MAP4K5: variants seen among roughly 807,000 people sequenced by gnomAD.
MAP4K5 encodes the protein MAPK/ERK kinase kinase kinase 5.
MAP4K5 carries 82 observed loss-of-function variants against 135.6 expected under a neutral mutation model. The ratio of observed to expected loss-of-function variants is 0.60; its 90% CI spans 0.51 to 0.73. MAP4K5 has a LOEUF of 0.73. Ranked by LOEUF, MAP4K5 falls within the 30% of genes least tolerant of loss-of-function variation. The probability of loss-of-function intolerance (pLI) is 0.00; values close to 1 mark genes in which losing one functional copy is unlikely to be tolerated. For synonymous variants in MAP4K5, 347 were observed against 335.0 expected (o/e 1.04, Z -0.39); for missense variants, 907 against 1,010.9 (o/e 0.90, Z 1.39).
chr14:50,547,402 G>A (rs2038647038), intron 1 of MAP4K5, among the ~76,000 whole-genome samples: 1 of 152,164 alleles, frequency 6.6e-6, no homozygotes, highest in Admixed American at 6.5e-5. Context: ...TGTTATGTAG[G>A]GGAAGCATTG....
At chr14:50,428,402 C>T (rs566799384) in intron 30 of MAP4K5, among the ~76,000 whole-genome samples, 1 of 151,958 alleles carries the variant, frequency 6.6e-6, no homozygotes, top group Admixed American at 6.6e-5. Context: ...ATTACAGGCA[C>T]CCGCCAGCAT....
At chr14:50,560,171 C>T (rs2038817797) in intron 1 of MAP4K5, 2 of 1,470,696 alleles carry the variant, frequency 1.4e-6, no homozygotes, top group Admixed American at 1.8e-5. Flanking sequence ...GCGCCCAGCG[C>T]GGGCACGGAG....
intron 12 of MAP4K5, among the ~76,000 whole-genome samples, chr14:50,463,406 G>A (rs1172374390): frequency 6.6e-6 from 1 of 152,182 alleles, no homozygotes; most frequent in African/African-American, 2.4e-5. Flanking sequence ...GCAAACTACA[G>A]CCCATGGGGA....
intron 10 of MAP4K5, among the ~76,000 whole-genome samples, chr14:50,467,055 G>T (rs1395940892): frequency 1.3e-5 from 2 of 152,044 alleles, no homozygotes; most frequent in Non-Finnish European, 2.9e-5. Context: ...TTTTGGGTGG[G>T]TGTATAGGCA....
chr14:50,429,465 A>G (rs2035923167), intron 28 of MAP4K5, among the ~76,000 whole-genome samples: 1 of 152,178 alleles, frequency 6.6e-6, no homozygotes, highest in African/African-American at 2.4e-5. Context: ...AACTCAGCTG[A>G]AAAAAACCTC....
At chr14:50,518,955 G>C (rs756454725) in intron 2 of MAP4K5, among the ~76,000 whole-genome samples, 1 of 151,950 alleles carries the variant, frequency 6.6e-6, no homozygotes, top group Non-Finnish European at 1.5e-5. Flanking sequence ...AAACCTTTAA[G>C]ACAATTTAGG....
chr14:50,496,756 C>G (rs1410394466), intron 3 of MAP4K5, among the ~76,000 whole-genome samples: 2 of 151,854 alleles, frequency 1.3e-5, no homozygotes, highest in Non-Finnish European at 2.9e-5. Context: ...AAGATCCTCC[C>G]ACCTCAGCCT....
rs113692079 is a variant in MAP4K5 at position 50,552,148 on chromosome 14, G to A, written c.-180+8892C>T. ...ATCCAAAAATCTAGACCTGATAAATGAGTTCAGTAAAGTTTCGGGATACAA... is the reference window on the plus strand; with the variant it reads ...ATCCAAAAATCTAGACCTGATAAATAAGTTCAGTAAAGTTTCGGGATACAA... On this transcript the variant is annotated intron_variant, in intron 1 of 8. Coordinates refer to the MAP4K5 transcript ENST00000555216. Among the ~76,000 whole-genome samples, 5 of 152,288 alleles carry A rather than the reference G, an allele frequency of 3.3e-5. 1 individual carries two copies. Among genetic ancestry groups the A allele is most frequent in the South Asian group, 2.1e-4 (1 of 4,822 alleles).
chr14:50,531,881 A>C, intron 2 of MAP4K5, 61 bp downstream of exon 2: 4 of 1,154,858 alleles, frequency 3.5e-6, no homozygotes, highest in Non-Finnish European at 5.1e-6. Context: ...TTCGCAGGAA[A>C]GTGGCCCCAT....
intron 13 of MAP4K5, among the ~76,000 whole-genome samples, chr14:50,459,102 C>A (rs2036654838): frequency 6.6e-6 from 1 of 152,242 alleles, no homozygotes; most frequent in Admixed American, 6.5e-5. Flanking sequence ...CATTAGCCAT[C>A]ATACCTAGCC....
chr14:50,427,096 T>C (rs1172919886), intron 30 of MAP4K5, among the ~76,000 whole-genome samples: 1 of 152,190 alleles, frequency 6.6e-6, no homozygotes, highest in Admixed American at 6.5e-5. Context: ...AAGGCATTTT[T>C]TTTTCCCCAG....
chr14:50,455,926 GATT>G, intron 14 of MAP4K5, among the ~76,000 whole-genome samples: 1 of 152,182 alleles, frequency 6.6e-6, no homozygotes, highest in African/African-American at 2.4e-5. Flanking sequence ...ATCTGTCAAT[GATT>G]ATTAAATTAA....
rs190790606 is a variant in MAP4K5, at chr14:50,445,326, G to C, written c.1186-132C>G. 38 of 653,148 alleles carry C rather than the reference G, an allele frequency of 5.8e-5. No individual in the cohort carries two copies. The East Asian group carries it at 1.0e-3, about 18-fold the overall frequency. 40.5% of individuals were successfully genotyped at this position (653,148 alleles called of 1,614,324 possible). The stretch of plus-strand genomic sequence containing the variant: ...ACTGGGCTAAGTGAGCAAAGTAAGA[G>C]GTGAGTTACTGCCCAACACAACTAT... On this transcript the variant is annotated intron_variant, in intron 17 of 32. Coordinates refer to ENST00000682126, the MANE Select transcript of MAP4K5 (RefSeq NM_006575.6).
At chr14:50,543,228 T>C (rs987763806) in intron 1 of MAP4K5, among the ~76,000 whole-genome samples, 2 of 152,242 alleles carry the variant, frequency 1.3e-5, no homozygotes, top group South Asian at 2.1e-4. Context: ...ATAATTCAGT[T>C]ACTGCCACTA....
At chr14:50,480,636 T>A (rs572232891) in intron 6 of MAP4K5, among the ~76,000 whole-genome samples, 3 of 152,304 alleles carry the variant, frequency 2.0e-5, no homozygotes, top group Admixed American at 6.5e-5. Flanking sequence ...ATAAGCCTCA[T>A]TTTATAAACT....
intron 3 of MAP4K5, among the ~76,000 whole-genome samples, chr14:50,487,424 A>G (rs1356595539): frequency 1.3e-5 from 2 of 152,238 alleles, no homozygotes; most frequent in Non-Finnish European, 2.9e-5. Context: ...ATTAACTGAT[A>G]GTTCAGTTAC....
intron 21 of MAP4K5, among the ~76,000 whole-genome samples, chr14:50,441,165 C>T (rs1204593619): frequency 6.6e-6 from 1 of 152,114 alleles, no homozygotes; most frequent in African/African-American, 2.4e-5. Flanking sequence ...TGGCTATCAA[C>T]AGATTGTCAA....
chr14:50,458,074 A>G (rs1020621773), intron 13 of MAP4K5, among the ~76,000 whole-genome samples: 2 of 152,144 alleles, frequency 1.3e-5, no homozygotes, highest in African/African-American at 4.8e-5. Flanking sequence ...ACACTTCTCT[A>G]GTCATCTAAC....
chr14:50,436,680 A>G lies in MAP4K5; in HGVS notation c.1882+796T>C, dbSNP rs560894810. Among the ~76,000 whole-genome samples the G allele has an allele frequency of 2.8e-4, 42 of 152,274 alleles. 1 individual carries two copies. Among genetic ancestry groups the G allele is most frequent in the Admixed American group, 1.3e-4 (2 of 15,276 alleles). ...ATCATGCCTTTGTGATGAAGCCCCA[A>G]TAAAAACTCTGGACATCGAGGCTCG... On this transcript the variant is annotated intron_variant, in intron 26 of 32. Transcript: ENST00000682126.
Sources: gnomAD v4.1 joint callset for allele counts (sites outside exome capture counted in the v4.1 genomes callset) on GRCh38, gnomAD v4.1.1 for gene constraint, MANE v1.5 for transcripts, NCBI Gene and HGNC (gene_info 2026-07-23, HGNC 2026-07-21) for gene names.